SYT13: variants seen among roughly 807,000 people sequenced by gnomAD.
The protein encoded by SYT13 is synaptotagmin 13.
Under a neutral mutation model 38.6 loss-of-function variants are expected in SYT13, and 21 were observed. The observed-to-expected ratio is 0.54, with a 90% CI of 0.39 to 0.78. SYT13 has a LOEUF of 0.78. Among genes scored for constraint, SYT13 ranks in the 30% least tolerant of loss-of-function variants. The pLI is 0.00. For synonymous variants in SYT13, 241 were observed against 237.6 expected, an observed-to-expected ratio of 1.01 and a Z score of -0.13; for missense variants, 495 against 548.7, an observed-to-expected ratio of 0.90 and a Z score of 0.98.
In SYT13 at chr11:45,243,426, G is replaced by A. The variant is rs1854576190; in HGVS notation, c.*626C>T. 6.6e-6 allele frequency: 1 copy of A among 152,308 alleles called. No individual in the cohort carries two copies. Among genetic ancestry groups the A allele is most frequent in the Non-Finnish European group, 1.5e-5 (1 of 68,026 alleles). The allele number at this position is 152,308 out of a possible 1,614,324, so 9.4% of individuals were successfully genotyped here. A position where few individuals can be genotyped will look rare whatever the true frequency, so the allele number is the denominator to read the frequency against. The stretch of plus-strand genomic sequence containing the variant: ...AAAACCTGTGTGGAATATTGTAGAA[G>A]GAATTTCTCCACATACAGTGCTCCA... On this transcript the variant is annotated 3_prime_UTR_variant, in exon 6 of 6. Coordinates refer to ENST00000020926, the MANE Select transcript of SYT13 (RefSeq NM_020826.3).
intron 1 of SYT13, among the ~76,000 whole-genome samples, chr11:45,279,362 G>A (rs1167395817): frequency 6.6e-6 from 1 of 152,188 alleles, no homozygotes; most frequent in Non-Finnish European, 1.5e-5. Flanking sequence ...CAGGAGGATG[G>A]CCTGAGCCCA....
At chr11:45,253,466 T>C (rs560790654) in intron 3 of SYT13, among the ~76,000 whole-genome samples, 38 of 152,278 alleles carry the variant, frequency 2.5e-4, no homozygotes, top group African/African-American at 9.1e-4. Context: ...TAATAAAGTA[T>C]AGGAGGAAGG....
chr11:45,252,108 A>G lies in SYT13; in HGVS notation c.846+313T>C, dbSNP rs1854683612. On this transcript the variant is annotated intron_variant, in intron 4 of 5. Coordinates refer to ENST00000020926, the MANE Select transcript of SYT13 (RefSeq NM_020826.3). This position sits in a 1 kb window ranked among gnomAD's most constrained non-coding sequence, Gnocchi z 4.3. ...GTAGGAGCACACAGAGTATAACTGG[A>G]TTGAAATGGGGACAGTACTTCATAG... Among the ~76,000 whole-genome samples the G allele has an allele frequency of 6.6e-6, 1 of 152,218 alleles. No individual in the cohort carries two copies. The highest frequency in any genetic ancestry group is 2.4e-5 in the African/African-American group (1 of 41,460).
chr11:45,266,584 G>A (rs1374205207), intron 1 of SYT13, among the ~76,000 whole-genome samples: 1 of 151,572 alleles, frequency 6.6e-6, no homozygotes, highest in African/African-American at 2.4e-5. Flanking sequence ...ATTACATCAA[G>A]CTGTAAGAAA....
At chr11:45,278,433 G>A (rs1036744289) in intron 1 of SYT13, among the ~76,000 whole-genome samples, 2 of 151,896 alleles carry the variant, frequency 1.3e-5, no homozygotes, top group Non-Finnish European at 2.9e-5. Context: ...TTGTCTTCTG[G>A]GTCTGATGCT....
At chr11:45,246,354 C>T in intron 5 of SYT13, 29 bp downstream of exon 5, 3 of 1,611,194 alleles carry the variant, frequency 1.9e-6, no homozygotes, top group Non-Finnish European at 2.5e-6. Flanking sequence ...GCTGGAGGGG[C>T]CTTGGCCATC....
rs754740536 is a variant in SYT13 at position 45,286,227 on chromosome 11, G to A, written c.-20C>T. 1.3e-6 allele frequency: 2 copies of A among 1,524,924 alleles called. No individual in the cohort carries two copies. The highest frequency in any genetic ancestry group is 1.8e-6 in the Non-Finnish European group (2 of 1,138,092). The allele number at this position is 1,524,924 out of a possible 1,614,324, so 94.5% of individuals were successfully genotyped here. On this transcript the variant is annotated 5_prime_UTR_variant, in exon 1 of 6. Coordinates refer to ENST00000020926, the MANE Select transcript of SYT13 (RefSeq NM_020826.3). ...CACCATGGTGCCCGCTCCCGGCGAG[G>A]GGCTGGGTCCCGCAGCCGCTCACCT...
intron 1 of SYT13, among the ~76,000 whole-genome samples, chr11:45,265,411 C>T (rs11604409): frequency 6.6e-6 from 1 of 152,016 alleles, no homozygotes; most frequent in Admixed American, 6.5e-5. Flanking sequence ...TTCCTGGAGG[C>T]CAGGAATGCT....
intron 4 of SYT13, among the ~76,000 whole-genome samples, chr11:45,249,631 C>A (rs746535216): frequency 1.2e-4 from 19 of 152,128 alleles, no homozygotes; most frequent in Non-Finnish European, 2.4e-4. Flanking sequence ...CTATCATTCT[C>A]AGCAAACTAA....
intron 1 of SYT13, chr11:45,269,261 G>T: frequency 3.0e-6 from 1 of 330,092 alleles, no homozygotes; most frequent in Non-Finnish European, 5.6e-6. Flanking sequence ...GAGAGGAGGA[G>T]GGTGAATGTT....
chr11:45,253,341 G>A (rs1161456836), intron 3 of SYT13, among the ~76,000 whole-genome samples: 1 of 152,166 alleles, frequency 6.6e-6, no homozygotes, highest in East Asian at 1.9e-4. Context: ...AACTTCAAGG[G>A]ACTGCTTAGT....
chr11:45,253,344 T>G (rs1854701842), intron 3 of SYT13, among the ~76,000 whole-genome samples: 1 of 152,198 alleles, frequency 6.6e-6, no homozygotes, highest in Admixed American at 6.5e-5. Context: ...TTCAAGGGAC[T>G]GCTTAGTCCT....
At chr11:45,267,011 G>A (rs1854891138) in intron 1 of SYT13, among the ~76,000 whole-genome samples, 1 of 152,200 alleles carries the variant, frequency 6.6e-6, no homozygotes, top group Admixed American at 6.5e-5. Flanking sequence ...CTTCCACCTT[G>A]TGGCCTTGTT....
rs145452669 is a variant in SYT13 at position 45,243,636 on chromosome 11, T to C, written c.*416A>G. The C allele has an allele frequency of 5.7e-4, 90 of 158,174 alleles. 1 individual carries two copies. The highest frequency in any genetic ancestry group is 2.1e-3 in the African/African-American group (89 of 41,758). The allele number at this position is 158,174 out of a possible 1,614,324, so 9.8% of individuals were successfully genotyped here. ...ACGCTGGCTAAGGTTTCTTTCCACC[T>C]GGGCAATCTCTAACTCTAGGAGTTG... On this transcript the variant is annotated 3_prime_UTR_variant, in exon 6 of 6. Transcript: ENST00000020926.
rs1377877804 is a variant in SYT13, at chr11:45,286,253, TC to T, written c.-47del. The T allele has an allele frequency of 2.0e-6, 3 of 1,478,074 alleles. No homozygotes were observed. Among genetic ancestry groups the T allele is most frequent in the South Asian group, 2.7e-5 (2 of 74,146 alleles). The allele number at this position is 1,478,074 out of a possible 1,614,324, so 91.6% of individuals were successfully genotyped here. ...GGCTGGGTCCCGCAGCCGCTCACCT[TC>T]CCCGGGCCGGGCCCGCCTCCAGGCA... On this transcript the variant is annotated 5_prime_UTR_variant, in exon 1 of 6. Coordinates refer to ENST00000020926, the MANE Select transcript of SYT13 (RefSeq NM_020826.3).
intron 1 of SYT13, among the ~76,000 whole-genome samples, chr11:45,271,768 G>T (rs1228035907): frequency 6.6e-6 from 1 of 152,158 alleles, no homozygotes; most frequent in Admixed American, 6.5e-5. Context: ...CACAGTGAGG[G>T]TAACCCAGGT....
rs1314344612 is a variant in SYT13, at chr11:45,252,121, CAGTACTTCAT to C, written c.846+290_846+299del. ...GAGTATAACTGGATTGAAATGGGGA[CAGTACTTCAT>C]AGCAGTAAAGGTAATACACACAGCA... On this transcript the variant is annotated intron_variant, in intron 4 of 5. Coordinates refer to ENST00000020926, the MANE Select transcript of SYT13 (RefSeq NM_020826.3). The surrounding 1 kb of genome is among the most constrained non-coding windows in gnomAD (Gnocchi z 4.3). 2.0e-5 allele frequency among the ~76,000 whole-genome samples: 3 copies of C among 152,186 alleles called. No individual in the cohort carries two copies. Among genetic ancestry groups the C allele is most frequent in the Admixed American group, 2.0e-4 (3 of 15,284 alleles).
chr11:45,280,023 T>C (rs1205871982), intron 1 of SYT13, among the ~76,000 whole-genome samples: 1 of 152,236 alleles, frequency 6.6e-6, no homozygotes, highest in Non-Finnish European at 1.5e-5. Flanking sequence ...TTGCTTGTTT[T>C]ATTGTCTGTC....
chr11:45,274,766 C>A (rs1205960500), intron 1 of SYT13, among the ~76,000 whole-genome samples: 3 of 152,182 alleles, frequency 2.0e-5, no homozygotes, highest in African/African-American at 2.4e-5. Context: ...ATTTGAAAAG[C>A]AAAGTCTTTG....
Sources: gnomAD v4.1 joint callset for allele counts (sites outside exome capture counted in the v4.1 genomes callset) on GRCh38, gnomAD v4.1.1 for gene constraint, Gnocchi (gnomAD v3.1) non-coding constraint, MANE v1.5 for transcripts, NCBI Gene and HGNC (gene_info 2026-07-23, HGNC 2026-07-21) for gene names.